Variants in ZCCHC13 observed in about 807,000 individuals in gnomAD.
The protein encoded by ZCCHC13 is zinc finger CCHC domain-containing protein 13.
For missense variants in ZCCHC13, 133 were observed against 135.9 expected (o/e 0.98, Z 0.11); for synonymous variants, 58 against 52.3 (o/e 1.11, Z -0.47).
Position 74,304,449 on chromosome X carries a change from C to A in ZCCHC13, c.183C>A (p.Val61=). 8.3e-7 allele frequency: 1 copy of A among 1,212,073 alleles called. No individual in the cohort carries two copies. Among genetic ancestry groups the A allele is most frequent in the Non-Finnish European group, 1.1e-6 (1 of 895,608 alleles). The change falls in exon 1 of 1, where the codon GTC becomes GTA. Residue 61 remains valine, a synonymous_variant. Transcript: ENST00000339534. ...CCGGTCGTAATGCTAAGAACTGTGT[C>A]CTTCTCGGAAACATCTGCTACAACT... is the stretch of plus-strand genomic sequence containing the variant. ...GESGRNAKNC[V]LLGNICYNCG... is the part of the protein sequence containing the mutation.
Position 74,304,789 on chromosome X carries a change from C to G in ZCCHC13, c.*22C>G. ...GTGAGGTTACCACTTAAATCTTCCC[C>G]CCCACCCCCCACCCTTTTGCTGATT... On this transcript the variant is annotated 3_prime_UTR_variant, in exon 1 of 1. Transcript: ENST00000339534. 1.2e-6 allele frequency: 1 copy of G among 806,568 alleles called. No individual in the cohort carries two copies. Among genetic ancestry groups the G allele is most frequent in the Non-Finnish European group, 1.8e-6 (1 of 567,867 alleles). The allele number at this position is 806,568 out of a possible 1,213,427, so 66.5% of individuals were successfully genotyped here. A position where few individuals can be genotyped will look rare whatever the true frequency, so the allele number is the denominator to read the frequency against.
Position 74,304,554 on chromosome X carries a change from A to G in ZCCHC13, c.288A>G (p.Arg96=). 3.3e-6 allele frequency: 4 copies of G among 1,212,418 alleles called. No individual in the cohort carries two copies. Among genetic ancestry groups the G allele is most frequent in the Non-Finnish European group, 4.5e-6 (4 of 895,661 alleles). The change falls in exon 1 of 1, where the codon AGA becomes AGG. Residue 96 remains arginine (R), a synonymous_variant. Transcript: ENST00000339534. ...ERRQHCYTCG[R]LGHLARDCDR... ...GCCAACACTGTTATACCTGCGGCAG[A>G]CTAGGACATCTGGCTCGTGACTGTG... is the stretch of plus-strand genomic sequence containing the variant.
Position 74,304,528 on chromosome X carries a change from C to G in ZCCHC13, c.262C>G (p.Arg88Gly). The stretch of plus-strand genomic sequence containing the variant: ...CTGTAAGGATCCTAAACGAGAGAGA[C>G]GCCAACACTGTTATACCTGCGGCAG... ...KDCKDPKRER[R>G]QHCYTCGRLG... The change falls in exon 1 of 1, where the codon CGC becomes GGC. Residue 88 changes from arginine to glycine, a missense_variant. By Grantham distance (125) the Arg-to-Gly change is moderately radical. Coordinates refer to ENST00000339534, the MANE Select transcript of ZCCHC13 (RefSeq NM_203303.3). 3 of 1,212,195 alleles carry G rather than the reference C, an allele frequency of 2.5e-6. No individual in the cohort carries two copies. The highest frequency in any genetic ancestry group is 2.2e-6 in the Non-Finnish European group (2 of 895,637).
rs141192529 is a variant in ZCCHC13, at chrX:74,304,369, G to A, written c.103G>A (p.Gly35Ser). 3.0e-3 allele frequency: 3,575 copies of A among 1,210,621 alleles called. 77 individuals carry two copies. The African/African-American group carries it at 0.054, about 18-fold the overall frequency. The part of the protein sequence containing the change: ...GGRRGGGHGR[G>S]SQCGSTTLSY... ...GCGAAGAGGTGGAGGCCATGGCAGA[G>A]GTTCTCAATGTGGTTCCACCACCCT... Residue 35 changes from glycine (G) to serine (S), a missense_variant, in exon 1 of 1, where the codon GGT becomes AGT. Gly to Ser is a moderately conservative substitution (Grantham distance 56). Transcript: ENST00000339534.
At position 74,304,571 on chromosome X, in the gene ZCCHC13, G is replaced by C; in HGVS notation, c.305G>C (p.Arg102Pro). ...TGCGGCAGACTAGGACATCTGGCTC[G>C]TGACTGTGATCGTCAGAAAGAGCAG... ...YTCGRLGHLA[R>P]DCDRQKEQKC... Residue 102 changes from arginine (R) to proline (P), a missense_variant, in exon 1 of 1, where the codon CGT becomes CCT. Transcript: ENST00000339534. 1.6e-6 allele frequency: 2 copies of C among 1,212,232 alleles called. No individual in the cohort carries two copies. Among genetic ancestry groups the C allele is most frequent in the Non-Finnish European group, 1.1e-6 (1 of 895,627 alleles).
chrX:74,304,311 G>C lies in ZCCHC13; in HGVS notation c.45G>C (p.Trp15Cys). ...DFFACGHSGH[W>C]ARGCPRGGAG... Reference sequence around the variant, plus strand: ...TCGCGTGTGGACACTCTGGCCATTGGGCTCGGGGATGCCCTAGAGGAGGAG... The same window carrying C: ...TCGCGTGTGGACACTCTGGCCATTGCGCTCGGGGATGCCCTAGAGGAGGAG... The change falls in exon 1 of 1, where the codon TGG becomes TGC. Residue 15 changes from tryptophan (W) to cysteine (C), a missense_variant. By Grantham distance (215) the Trp-to-Cys change is radical (BLOSUM62 -2). Coordinates refer to ENST00000339534, the MANE Select transcript of ZCCHC13 (RefSeq NM_203303.3). The C allele has an allele frequency of 8.3e-7, 1 of 1,210,387 alleles. No individual in the cohort carries two copies. Among genetic ancestry groups the C allele is most frequent in the Non-Finnish European group, 1.1e-6 (1 of 894,655 alleles).
chrX:74,304,856 G>C lies in ZCCHC13; in HGVS notation c.*89G>C, dbSNP rs1389172791. The C allele has an allele frequency of 1.8e-5, 14 of 761,692 alleles. No homozygotes were observed. Among genetic ancestry groups the C allele is most frequent in the Middle Eastern group, 6.5e-4 (2 of 3,094 alleles). The allele number at this position is 761,692 out of a possible 1,213,427, so 62.8% of individuals were successfully genotyped here. On this transcript the variant is annotated 3_prime_UTR_variant, in exon 1 of 1. Transcript: ENST00000339534. ...TCTCCGAAAACTTCACTCACCGAAA[G>C]GTCGATAGATTGAGGCTACTCTCAG...
chrX:74,304,203 C>T lies in ZCCHC13; in HGVS notation c.-64C>T, dbSNP rs1926481864. The T allele has an allele frequency of 5.4e-6, 6 of 1,116,361 alleles. No homozygotes were observed. Among genetic ancestry groups the T allele is most frequent in the Non-Finnish European group, 4.7e-6 (4 of 847,695 alleles). 92.0% of individuals were successfully genotyped at this position (1,116,361 alleles called of 1,213,427 possible). On this transcript the variant is annotated 5_prime_UTR_variant, in exon 1 of 1. Transcript: ENST00000339534. Reference sequence around the variant, plus strand: ...CTAATTCTTTCTAAGCCGCCCAAAGCGGGGTTGCGCCGGGGCCTCCGGGGC... The same window carrying T: ...CTAATTCTTTCTAAGCCGCCCAAAGTGGGGTTGCGCCGGGGCCTCCGGGGC...
Position 74,304,767 on chromosome X carries a change from A to G in ZCCHC13, c.501A>G (p.Ter167TrpextTer15), listed in dbSNP as rs1431607862. The stretch of plus-strand genomic sequence containing the variant: ...CATCTAGCCAAGGAATGTCCCAGTG[A>G]GGTTACCACTTAAATCTTCCCCCCC... ...IPTSSQGMSQ* is the reference protein window; with the variant it reads ...IPTSSQGMSQW Residue 167 changes from the stop codon to tryptophan (W), a stop_lost, in exon 1 of 1, where the codon TGA becomes TGG. Transcript: ENST00000339534. The G allele has an allele frequency of 8.3e-7, 1 of 1,202,982 alleles. No individual in the cohort carries two copies. The highest frequency in any genetic ancestry group is 2.2e-5 in the Admixed American group (1 of 45,723).
In ZCCHC13 at chrX:74,304,362, T is replaced by C; in HGVS notation, c.96T>C (p.His32=). The C allele has an allele frequency of 2.5e-6, 3 of 1,211,981 alleles. No homozygotes were observed. Among genetic ancestry groups the C allele is most frequent in the Non-Finnish European group, 3.3e-6 (3 of 895,525 alleles). Residue 32 remains histidine (H), a synonymous_variant, in exon 1 of 1, where the codon CAT becomes CAC. Transcript: ENST00000339534. The stretch of plus-strand genomic sequence containing the variant: ...CTGGAGGGCGAAGAGGTGGAGGCCA[T>C]GGCAGAGGTTCTCAATGTGGTTCCA... ...GGAGGRRGGG[H]GRGSQCGSTT...
At position 74,304,975 on chromosome X, in the gene ZCCHC13, G is replaced by A; in HGVS notation, c.*208G>A. 2.6e-6 allele frequency: 1 copy of A among 389,526 alleles called. No individual in the cohort carries two copies. The highest frequency in any genetic ancestry group is 4.4e-5 in the Admixed American group (1 of 22,483). The allele number at this position is 389,526 out of a possible 1,213,427, so 32.1% of individuals were successfully genotyped here. ...CATTGGTAGATGCCCCACAATTAAC[G>A]TGTTGCTTCTGCCCCACGGGCAAAT... On this transcript the variant is annotated 3_prime_UTR_variant, in exon 1 of 1. Transcript: ENST00000339534.
rs1176508239 is a variant in ZCCHC13 at position 74,304,665 on chromosome X, C to T, written c.399C>T (p.Cys133=). 1.1e-5 allele frequency: 13 copies of T among 1,209,913 alleles called. No homozygotes were observed. Among genetic ancestry groups the T allele is most frequent in the South Asian group, 3.5e-5 (2 of 56,824 alleles). The change falls in exon 1 of 1, where the codon TGC becomes TGT. Residue 133 remains cysteine, a synonymous_variant. Transcript: ENST00000339534. Reference sequence around the variant, plus strand: ...GCGCCCAGGTCAAGTGTTACCGATGCGGCGAGATTGGCCACGTGGCCATCA... The same window carrying T: ...GCGCCCAGGTCAAGTGTTACCGATGTGGCGAGATTGGCCACGTGGCCATCA... The part of the protein sequence containing the change: ...KDCAQVKCYR[C]GEIGHVAINC...
rs573179813 is a variant in ZCCHC13, at chrX:74,304,290, G to T, written c.24G>T (p.Ala8=). Residue 8 remains alanine, a synonymous_variant, in exon 1 of 1, where the codon GCG becomes GCT. Coordinates refer to ENST00000339534, the MANE Select transcript of ZCCHC13 (RefSeq NM_203303.3). MSSKDFF[A]CGHSGHWARG... is the part of the protein sequence containing the mutation. ...CCATGAGCAGTAAGGATTTCTTCGC[G>T]TGTGGACACTCTGGCCATTGGGCTC... The T allele has an allele frequency of 9.6e-5, 116 of 1,206,319 alleles. 1 individual carries two copies. In the South Asian group the frequency reaches 1.8e-3, roughly 18 times the overall value.
At position 74,304,463 on chromosome X, in the gene ZCCHC13, T is replaced by C. The variant is rs1260404927; in HGVS notation, c.197T>C (p.Ile66Thr). Residue 66 changes from isoleucine (I) to threonine (T), a missense_variant, in exon 1 of 1, where the codon ATC becomes ACC. Coordinates refer to ENST00000339534, the MANE Select transcript of ZCCHC13 (RefSeq NM_203303.3). ...AAGAACTGTGTCCTTCTCGGAAACA[T>C]CTGCTACAACTGTGGGAGAAGCGGC... is the stretch of plus-strand genomic sequence containing the variant. ...NAKNCVLLGN[I>T]CYNCGRSGHI... is the part of the protein sequence containing the mutation. 2.5e-6 allele frequency: 3 copies of C among 1,212,140 alleles called. No individual in the cohort carries two copies. The highest frequency in any genetic ancestry group is 1.8e-5 in the South Asian group (1 of 57,014).
In ZCCHC13 at chrX:74,304,668, CG is replaced by C. The variant is rs776543577; in HGVS notation, c.403del (p.Glu135ArgfsTer37). 1 of 1,211,678 alleles carries C rather than the reference CG, an allele frequency of 8.3e-7. No homozygotes were observed. Among genetic ancestry groups the C allele is most frequent in the South Asian group, 1.8e-5 (1 of 56,970 alleles). ...CAQVKCYRCG[E>X]IGHVAINCSK... Reference sequence around the variant, plus strand: ...CCCAGGTCAAGTGTTACCGATGCGGCGAGATTGGCCACGTGGCCATCAATTG... The same window carrying C: ...CCCAGGTCAAGTGTTACCGATGCGGCAGATTGGCCACGTGGCCATCAATTG... On this transcript the variant is annotated frameshift_variant, in exon 1 of 1. Coordinates refer to ENST00000339534, the MANE Select transcript of ZCCHC13 (RefSeq NM_203303.3). LOFTEE classifies it low-confidence loss of function (END_TRUNC).
At position 74,304,357 on chromosome X, in the gene ZCCHC13, G is replaced by A; in HGVS notation, c.91G>A (p.Gly31Ser). 1 of 1,211,944 alleles carries A rather than the reference G, an allele frequency of 8.3e-7. No individual in the cohort carries two copies. ...RGGAGGRRGGGHGRGSQCGST... is the reference protein window; with the variant it reads ...RGGAGGRRGGSHGRGSQCGST... ...AGGAGCTGGAGGGCGAAGAGGTGGA[G>A]GCCATGGCAGAGGTTCTCAATGTGG... The change falls in exon 1 of 1, where the codon GGC becomes AGC. Residue 31 changes from glycine (G) to serine (S), a missense_variant. By Grantham distance (56) the Gly-to-Ser change is moderately conservative (BLOSUM62 0). Transcript: ENST00000339534.
chrX:74,304,316 G>A lies in ZCCHC13; in HGVS notation c.50G>A (p.Arg17Gln). The A allele has an allele frequency of 1.7e-6, 2 of 1,210,773 alleles. No individual in the cohort carries two copies. The highest frequency in any genetic ancestry group is 1.1e-6 in the Non-Finnish European group (1 of 894,844). Residue 17 changes from arginine (R) to glutamine (Q), a missense_variant, in exon 1 of 1, where the codon CGG (arginine) becomes CAG (glutamine). Arg to Gln is a conservative substitution (Grantham distance 43, BLOSUM62 1). Coordinates refer to ENST00000339534, the MANE Select transcript of ZCCHC13 (RefSeq NM_203303.3). Reference protein sequence around the residue: ...FACGHSGHWARGCPRGGAGGR... With the variant: ...FACGHSGHWAQGCPRGGAGGR... ...TGTGGACACTCTGGCCATTGGGCTC[G>A]GGGATGCCCTAGAGGAGGAGCTGGA...
In ZCCHC13 at chrX:74,304,496, C is replaced by G. The variant is rs1425717846; in HGVS notation, c.230C>G (p.Ala77Gly). 2.5e-6 allele frequency: 3 copies of G among 1,212,152 alleles called. No individual in the cohort carries two copies. The highest frequency in any genetic ancestry group is 2.2e-5 in the Admixed American group (1 of 46,062). Reference protein sequence around the residue: ...CYNCGRSGHIAKDCKDPKRER... With the variant: ...CYNCGRSGHIGKDCKDPKRER... The stretch of plus-strand genomic sequence containing the variant: ...AACTGTGGGAGAAGCGGCCACATCG[C>G]CAAAGACTGTAAGGATCCTAAACGA... The change falls in exon 1 of 1, where the codon GCC becomes GGC. Residue 77 changes from alanine (A) to glycine (G), a missense_variant. Physicochemically the swap from Ala to Gly is moderately conservative, Grantham distance 60. Transcript: ENST00000339534.
At position 74,304,743 on chromosome X, in the gene ZCCHC13, A is replaced by C; in HGVS notation, c.477A>C (p.Thr159=). The C allele has an allele frequency of 8.3e-6, 10 of 1,210,408 alleles. No homozygotes were observed. Among genetic ancestry groups the C allele is most frequent in the Non-Finnish European group, 4.5e-6 (4 of 894,861 alleles). Residue 159 remains threonine (T), a synonymous_variant, in exon 1 of 1, where the codon ACA becomes ACC. Transcript: ENST00000339534. ...TGCTACCGCTGCGGCAAATCCCGAC[A>C]TCTAGCCAAGGAATGTCCCAGTGAG... ...GQLLPLRQIP[T]SSQGMSQ is the part of the protein sequence containing the mutation.
Sources: allele counts gnomAD v4.1 joint callset, GRCh38; gene constraint gnomAD v4.1.1; transcripts MANE v1.5; gene names NCBI Gene and HGNC (gene_info 2026-07-23, HGNC 2026-07-21).